CEP83: variants seen among roughly 807,000 people sequenced by gnomAD.
The protein encoded by CEP83 is centrosomal protein of 83 kDa.
Under a neutral mutation model 101.9 loss-of-function variants are expected in CEP83, and 70 were observed. That is an observed-to-expected ratio of 0.69 (90% CI 0.57 to 0.84). The LOEUF is 0.84. Among genes scored for constraint, CEP83 ranks in the 40% least tolerant of loss-of-function variants. The pLI, the probability that CEP83 is intolerant of heterozygous loss-of-function variation, is 0.00. For synonymous variants in CEP83, 264 were observed against 267.9 expected (o/e 0.99, Z 0.14); for missense variants, 715 against 787.2 (o/e 0.91, Z 1.10).
intron 1 of CEP83, among the ~76,000 whole-genome samples, chr12:94,438,821 T>C (rs2066188990): frequency 6.6e-6 from 1 of 152,152 alleles, no homozygotes; most frequent in African/African-American, 2.4e-5. Flanking sequence ...TTATATCAAA[T>C]ATTCTCTAAG....
chr12:94,421,371 A>G (rs1484848196), intron 2 of CEP83, among the ~76,000 whole-genome samples: 2 of 152,072 alleles, frequency 1.3e-5, no homozygotes, highest in African/African-American at 4.8e-5. Flanking sequence ...ATAATTCACA[A>G]TTTTTTAAAA....
chr12:94,369,123 C>A (rs1001776304), intron 9 of CEP83: 2 of 152,188 alleles, frequency 1.3e-5, no homozygotes, highest in African/African-American at 4.8e-5. Flanking sequence ...ATGAGGAAAT[C>A]TGATGAGACA....
the CEP83 span, among the ~76,000 whole-genome samples, chr12:94,266,710 A>G: frequency 6.6e-6 from 1 of 152,214 alleles, no homozygotes; most frequent in African/African-American, 2.4e-5. Flanking sequence ...CATTCTCCTC[A>G]CATGTGAAAT....
chr12:94,350,619 A>C (rs1421103300), intron 11 of CEP83, among the ~76,000 whole-genome samples: 1 of 141,010 alleles, frequency 7.1e-6, no homozygotes, highest in African/African-American at 3.2e-5. Flanking sequence ...CAACAACAAC[A>C]AAAAAAAACA....
At chr12:94,386,437 A>G (rs1300087085) in intron 6 of CEP83, among the ~76,000 whole-genome samples, 2 of 152,188 alleles carry the variant, frequency 1.3e-5, no homozygotes, top group South Asian at 2.1e-4. Flanking sequence ...GGAGCTCTGC[A>G]ATACTCTGCT....
intron 1 of CEP83, among the ~76,000 whole-genome samples, chr12:94,450,866 G>C (rs1244966358): frequency 6.6e-6 from 1 of 152,120 alleles, no homozygotes; most frequent in Non-Finnish European, 1.5e-5. Context: ...ATCCTAAATT[G>C]TATATGGAAA....
At chr12:94,440,554 G>A (rs2066325494) in intron 1 of CEP83, among the ~76,000 whole-genome samples, 1 of 151,040 alleles carries the variant, frequency 6.6e-6, no homozygotes, top group Non-Finnish European at 1.5e-5. Context: ...TGACACAAAT[G>A]GAAATATATC....
At chr12:94,446,777 T>C (rs2066838555) in intron 1 of CEP83, among the ~76,000 whole-genome samples, 1 of 152,162 alleles carries the variant, frequency 6.6e-6, no homozygotes, top group South Asian at 2.1e-4. Context: ...GTGGGAGTTC[T>C]AGAAGGTCAG....
chr12:94,379,849 T>C (rs1460921248), intron 6 of CEP83, among the ~76,000 whole-genome samples: 1 of 151,946 alleles, frequency 6.6e-6, no homozygotes, highest in East Asian at 1.9e-4. Flanking sequence ...TCCCCAACTA[T>C]CTATCCCCTA....
chr12:94,341,258 T>A (rs530753026), intron 11 of CEP83, among the ~76,000 whole-genome samples: 1 of 152,154 alleles, frequency 6.6e-6, no homozygotes, highest in South Asian at 2.1e-4. Context: ...TAATAAAGGA[T>A]CTGTCAAAGC....
intron 1 of CEP83, among the ~76,000 whole-genome samples, chr12:94,451,577 G>A (rs1271424376): frequency 1.3e-5 from 2 of 151,530 alleles, no homozygotes; most frequent in African/African-American, 4.9e-5. Flanking sequence ...ACTGTGCAGG[G>A]AAATGCAAAT....
At chr12:94,285,430 G>C in the CEP83 span, among the ~76,000 whole-genome samples, 1 of 152,180 alleles carries the variant, frequency 6.6e-6, no homozygotes, top group Non-Finnish European at 1.5e-5. Flanking sequence ...CTGAGGTGCT[G>C]CCCCTGTGGC....
upstream of CEP83, chr12:94,460,195 C>T (rs2068049126): frequency 6.6e-6 from 1 of 152,364 alleles, no homozygotes; most frequent in East Asian, 1.9e-4. Context: ...GCCCCGGGCA[C>T]TTGCCTTGGA....
the CEP83 span, among the ~76,000 whole-genome samples, chr12:94,292,910 T>C: frequency 6.6e-6 from 1 of 152,256 alleles, no homozygotes; most frequent in Non-Finnish European, 1.5e-5. Flanking sequence ...ATAAGCGTAC[T>C]GCTGGATGAA....
intron 14 of CEP83, among the ~76,000 whole-genome samples, chr12:94,322,213 C>T (rs2058777625): frequency 6.6e-6 from 1 of 152,180 alleles, no homozygotes; most frequent in East Asian, 1.9e-4. Flanking sequence ...TCCACTCCAG[C>T]CGCTAATCAC....
chr12:94,274,211 A>C, the CEP83 span, among the ~76,000 whole-genome samples: 1 of 146,502 alleles, frequency 6.8e-6, no homozygotes, highest in South Asian at 2.2e-4. Flanking sequence ...GGCAGTGTGC[A>C]CCTGTAGTCT....
At chr12:94,312,662 T>C in intron 15 of CEP83, 2 of 985,326 alleles carry the variant, frequency 2.0e-6, no homozygotes, top group Non-Finnish European at 2.4e-6. Context: ...CACTCCTTGC[T>C]ACCAAAGCCA....
intron 1 of CEP83, among the ~76,000 whole-genome samples, chr12:94,442,102 T>G (rs1307907812): frequency 6.7e-6 from 1 of 149,988 alleles, no homozygotes; most frequent in South Asian, 2.1e-4. Context: ...AACCAATGAG[T>G]AGATAAAGAA....
At chr12:94,423,006 T>G (rs1315948960) in intron 2 of CEP83, among the ~76,000 whole-genome samples, 1 of 152,204 alleles carries the variant, frequency 6.6e-6, no homozygotes, top group Non-Finnish European at 1.5e-5. Flanking sequence ...CAGGTTTATA[T>G]TTAACTTTGT....
Sources: gnomAD v4.1 joint callset for allele counts (sites outside exome capture counted in the v4.1 genomes callset) on GRCh38, gnomAD v4.1.1 for gene constraint, MANE v1.5 for transcripts, NCBI Gene and HGNC (gene_info 2026-07-23, HGNC 2026-07-21) for gene names.